The following DCAF1 variants were observed in gnomAD, a reference collection of about 807,000 sequenced individuals.
DCAF1 encodes the protein DDB1 and CUL4 associated factor 1.
In DCAF1, 15 loss-of-function variants were observed where a neutral mutation model predicts 128.0. The ratio of observed to expected loss-of-function variants is 0.12; its 90% CI spans 0.08 to 0.18. The LOEUF (loss-of-function observed/expected upper bound fraction) is 0.18. DCAF1 is among the 10% of genes least tolerant of loss of function. The pLI, the probability that DCAF1 is intolerant of heterozygous loss-of-function variation, is 1.00. For synonymous variants in DCAF1, 610 were observed against 603.0 expected, an observed-to-expected ratio of 1.01 and a Z score of -0.17; for missense variants, 988 against 1,649.5, an observed-to-expected ratio of 0.60 and a Z score of 6.95.
chr3:51,481,740 C>T (rs1244603572), intron 3 of DCAF1, among the ~76,000 whole-genome samples: 4 of 152,056 alleles, frequency 2.6e-5, no homozygotes, highest in African/African-American at 7.2e-5. Flanking sequence ...CCTGTAATCC[C>T]AGCACTTTGA....
intron 9 of DCAF1, among the ~76,000 whole-genome samples, chr3:51,439,157 C>T (rs1325809384): frequency 6.6e-6 from 1 of 151,952 alleles, no homozygotes; most frequent in Admixed American, 6.6e-5. Flanking sequence ...TTTTCAGAGA[C>T]AGAGTCTCAC....
At chr3:51,438,273 T>G (rs552469966) in intron 9 of DCAF1, among the ~76,000 whole-genome samples, 2 of 152,290 alleles carry the variant, frequency 1.3e-5, no homozygotes, top group Non-Finnish European at 2.9e-5. Flanking sequence ...TACTATTTGT[T>G]GATTGCTTAC....
chr3:51,403,403 G>C lies in DCAF1; in HGVS notation c.4213-8C>G. Reference sequence around the variant, plus strand: ...CTCCTGTTCTTCCTCTTCCTGGTAAGAAAGCGTAATGTTCATTAGTACAAA... The same window carrying C: ...CTCCTGTTCTTCCTCTTCCTGGTAACAAAGCGTAATGTTCATTAGTACAAA... On this transcript the variant is annotated splice_polypyrimidine_tract_variant and splice_region_variant and intron_variant, in intron 23 of 24. Transcript: ENST00000684031. 6.4e-7 allele frequency: 1 copy of C among 1,551,892 alleles called. No individual in the cohort carries two copies. Among genetic ancestry groups the C allele is most frequent in the Non-Finnish European group, 8.7e-7 (1 of 1,146,996 alleles).
chr3:51,494,785 T>C (rs1168495538), intron 2 of DCAF1, among the ~76,000 whole-genome samples: 2 of 152,158 alleles, frequency 1.3e-5, no homozygotes, highest in African/African-American at 4.8e-5. Flanking sequence ...CTCAAATTGC[T>C]GGGCTCAAGC....
chr3:51,480,134 A>G (rs1249508932), intron 3 of DCAF1, among the ~76,000 whole-genome samples: 5 of 147,984 alleles, frequency 3.4e-5, no homozygotes, highest in Admixed American at 1.4e-4. Flanking sequence ...AATTTTTTTT[A>G]ATGATGGGGA....
rs373234360 is a variant in DCAF1 at position 51,441,816 on chromosome 3, G to A, written c.595C>T (p.Arg199Trp). The A allele has an allele frequency of 1.1e-5, 17 of 1,613,654 alleles. No individual in the cohort carries two copies. Among genetic ancestry groups the A allele is most frequent in the African/African-American group, 4.0e-5 (3 of 74,890 alleles). ...AAAAGGGGTTCAGAAGAGAGCTTCCGTGGACTGGGACGCTTGTTTTCCTGC... is the reference window on the plus strand; with the variant it reads ...AAAAGGGGTTCAGAAGAGAGCTTCCATGGACTGGGACGCTTGTTTTCCTGC... ...LRQENKRPSP[R>W]KLSSEPLLPL... Residue 199 changes from arginine (R) to tryptophan (W), a missense_variant, in exon 8 of 25, where the codon CGG (arginine) becomes TGG (tryptophan). Around this residue, in one of 11 missense-constraint regions of DCAF1, gnomAD observed 210 missense variants for 260.2 expected, o/e 0.81. Transcript: ENST00000684031.
At chr3:51,475,733 C>T (rs1488979683) in intron 3 of DCAF1, among the ~76,000 whole-genome samples, 1 of 152,080 alleles carries the variant, frequency 6.6e-6, no homozygotes, top group Non-Finnish European at 1.5e-5. Context: ...CGGTGGCAGG[C>T]GCCTGTAGTC....
intron 8 of DCAF1, 86 bp from the exon 9 acceptor site, chr3:51,441,157 A>G (rs1701324685): frequency 7.6e-7 from 1 of 1,317,658 alleles, no homozygotes; most frequent in African/African-American, 1.5e-5. Context: ...AGAAGCCTAA[A>G]GAAATGATGC....
chr3:51,404,433 G>C (rs2089964290), intron 23 of DCAF1, among the ~76,000 whole-genome samples: 1 of 152,150 alleles, frequency 6.6e-6, no homozygotes, highest in African/African-American at 2.4e-5. Flanking sequence ...CTTATACTCA[G>C]TGGTTACATC....
chr3:51,440,879 C>T (rs1462420330), intron 9 of DCAF1, 91 bp downstream of exon 9: 1 of 1,104,300 alleles, frequency 9.1e-7, no homozygotes, highest in Admixed American at 2.3e-5. Flanking sequence ...GCACTCCAGC[C>T]TGGGCGACAG....
intron 3 of DCAF1, among the ~76,000 whole-genome samples, chr3:51,476,558 T>C (rs2108301125): frequency 9.5e-6 from 1 of 105,100 alleles, no homozygotes; most frequent in Non-Finnish European, 1.8e-5. Flanking sequence ...CTTTACAGTA[T>C]ATAAATTATA....
At chr3:51,403,878 A>C (rs2089917267) in intron 23 of DCAF1, among the ~76,000 whole-genome samples, 1 of 152,252 alleles carries the variant, frequency 6.6e-6, no homozygotes, top group Non-Finnish European at 1.5e-5. Context: ...AATGTGGATA[A>C]GCTCCTAACT....
intron 6 of DCAF1, among the ~76,000 whole-genome samples, chr3:51,457,863 T>A (rs140999456): frequency 5.3e-5 from 8 of 152,306 alleles, no homozygotes; most frequent in African/African-American, 1.9e-4. Flanking sequence ...AAGCAAATGC[T>A]GAGAGATTTT....
At chr3:51,504,842 G>A (rs532423608), upstream of DCAF1, among the ~76,000 whole-genome samples, 6 of 152,216 alleles carry the variant, frequency 3.9e-5, no homozygotes, top group East Asian at 1.9e-4. Flanking sequence ...GGCCTGGCAC[G>A]GTGGCTCACA....
intron 13 of DCAF1, among the ~76,000 whole-genome samples, chr3:51,423,999 A>G (rs1160302106): frequency 1.3e-5 from 2 of 152,112 alleles, no homozygotes; most frequent in African/African-American, 2.4e-5. Flanking sequence ...AAAGAACCCT[A>G]AAGAATGAGG....
At chr3:51,455,941 C>T (rs549174140) in intron 6 of DCAF1, among the ~76,000 whole-genome samples, 6 of 152,048 alleles carry the variant, frequency 3.9e-5, no homozygotes, top group South Asian at 2.1e-4. Flanking sequence ...CCAAGATGGC[C>T]GAATAGGAAC....
Position 51,416,779 on chromosome 3 carries a change from G to C in DCAF1, c.3603+8C>G, listed in dbSNP as rs782119150. The C allele has an allele frequency of 1.1e-5, 17 of 1,606,438 alleles. No individual in the cohort carries two copies. The Admixed American group carries it at 2.7e-4, about 26-fold the overall frequency. ...TCAGCTTGAAAACAGTGGTTCTTAA[G>C]TACTTACGTGGGCAATGTCTCCTTT... On this transcript the variant is annotated splice_region_variant and intron_variant, in intron 18 of 24. Transcript: ENST00000684031.
At chr3:51,450,837 G>C (rs1390049008) in intron 6 of DCAF1, among the ~76,000 whole-genome samples, 1 of 152,026 alleles carries the variant, frequency 6.6e-6, no homozygotes, top group Non-Finnish European at 1.5e-5. Flanking sequence ...TCTAGTGAGA[G>C]TAATTAGACA....
intron 9 of DCAF1, among the ~76,000 whole-genome samples, chr3:51,435,290 C>G (rs1700707486): frequency 6.6e-6 from 1 of 151,882 alleles, no homozygotes; most frequent in African/African-American, 2.4e-5. Flanking sequence ...CAACTGAAAG[C>G]AATATCCTTG....
Sources: allele counts gnomAD v4.1 joint callset (sites outside exome capture counted in the v4.1 genomes callset), GRCh38; gene constraint gnomAD v4.1.1; regional missense constraint gnomAD v4.1.1; transcripts MANE v1.5; gene names NCBI Gene and HGNC (gene_info 2026-07-23, HGNC 2026-07-21).